The following CAPN8 variants were observed in gnomAD, a reference collection of about 807,000 sequenced individuals.
CAPN8 encodes calpain-8.
A neutral mutation model predicts 80.9 loss-of-function variants in CAPN8; 87 were observed. The ratio of observed to expected loss-of-function variants is 1.07; its 90% CI spans 0.90 to 1.28. The LOEUF (loss-of-function observed/expected upper bound fraction) is 1.28. Among genes scored for constraint, CAPN8 ranks in the 50% most tolerant of loss-of-function variants. CAPN8 has a pLI of 0.00. For missense variants in CAPN8, 757 were observed against 702.0 expected, an observed-to-expected ratio of 1.08 and a Z score of -0.89; for synonymous variants, 299 against 273.8, an observed-to-expected ratio of 1.09 and a Z score of -0.91.
chr1:223,662,285 T>G (rs905979757), intron 1 of CAPN8, among the ~76,000 whole-genome samples: 2 of 151,980 alleles, frequency 1.3e-5, no homozygotes, highest in Admixed American at 1.3e-4. Flanking sequence ...CGATCTCTAC[T>G]AAAAGTACAA....
At chr1:223,614,999 G>A (rs1195487937) in intron 10 of CAPN8, among the ~76,000 whole-genome samples, 2 of 152,184 alleles carry the variant, frequency 1.3e-5, no homozygotes, top group African/African-American at 2.4e-5. Context: ...TCGCATGCTC[G>A]TGCATGTGCA....
intron 10 of CAPN8, 147 bp downstream of exon 10, chr1:223,615,823 C>T (rs889086228): frequency 8.5e-6 from 8 of 943,210 alleles, no homozygotes; most frequent in Non-Finnish European, 9.9e-6. Context: ...CTCAGTAAGG[C>T]CACTGGGAGA....
chr1:223,637,461 CA>C (rs903243931), intron 2 of CAPN8, among the ~76,000 whole-genome samples: 39 of 152,302 alleles, frequency 2.6e-4, no homozygotes, highest in African/African-American at 9.1e-4. Context: ...CATCCAGCAG[CA>C]GCACCTGGGC....
At chr1:223,615,929 C>T (rs1392596291) in intron 10 of CAPN8, 41 bp downstream of exon 10, 1 of 1,550,446 alleles carries the variant, frequency 6.4e-7, no homozygotes, top group Non-Finnish European at 8.7e-7. Context: ...AGCCCCAAAA[C>T]ATCAAGTGTA....
intron 14 of CAPN8, among the ~76,000 whole-genome samples, chr1:223,553,324 G>C (rs921853791): frequency 1.3e-5 from 2 of 152,188 alleles, no homozygotes; most frequent in Admixed American, 1.3e-4. Context: ...ATTCATGTCG[G>C]GCAAAGCTTG....
At chr1:223,628,524 G>A in intron 3 of CAPN8, 138 bp downstream of exon 3, 2 of 658,414 alleles carry the variant, frequency 3.0e-6, no homozygotes, top group East Asian at 2.7e-5. Context: ...AGACTGAAGT[G>A]TGCATCAGAG....
intron 9 of CAPN8, among the ~76,000 whole-genome samples, chr1:223,618,724 A>G (rs1657281546): frequency 1.3e-5 from 2 of 152,214 alleles, no homozygotes; most frequent in African/African-American, 4.8e-5. Context: ...CTTTGCGGGC[A>G]GGGCAGGTGG....
chr1:223,619,573 A>G (rs1657318356), intron 8 of CAPN8, 120 bp from the exon 9 acceptor site: 2 of 985,842 alleles, frequency 2.0e-6, no homozygotes, highest in African/African-American at 1.6e-5. Flanking sequence ...GGCTAGCTTG[A>G]TCTTTCCTAC....
intron 15 of CAPN8, chr1:223,549,610 G>T: frequency 1.4e-6 from 1 of 692,784 alleles, no homozygotes; most frequent in Non-Finnish European, 2.6e-6. Context: ...TACAGCATCT[G>T]AACCTTGGCT....
chr1:223,550,875 G>T (rs1656767303), intron 15 of CAPN8, 85 bp downstream of exon 15: 1 of 680,244 alleles, frequency 1.5e-6, no homozygotes. Context: ...CTGTGGTGCT[G>T]CCAGCCCAAT....
intron 7 of CAPN8, 118 bp downstream of exon 7, chr1:223,622,697 T>C (rs1026330281): frequency 2.5e-6 from 2 of 788,150 alleles, no homozygotes; most frequent in Admixed American, 2.1e-5. Context: ...CACTGTGTGA[T>C]CTGCAGACAG....
intron 2 of CAPN8, among the ~76,000 whole-genome samples, chr1:223,650,368 G>T (rs755211702): frequency 1.1e-4 from 17 of 152,146 alleles, no homozygotes; most frequent in South Asian, 2.1e-4. Context: ...GTCACAAGAG[G>T]CTCCCAGCAG....
intron 2 of CAPN8, among the ~76,000 whole-genome samples, chr1:223,635,516 C>T (rs1412703946): frequency 6.6e-6 from 1 of 152,238 alleles, no homozygotes; most frequent in South Asian, 2.1e-4. Context: ...AGACAGTGGG[C>T]CTGGTGGTTC....
intron 2 of CAPN8, among the ~76,000 whole-genome samples, chr1:223,649,368 C>T (rs1401773907): frequency 6.6e-6 from 1 of 152,232 alleles, no homozygotes; most frequent in Non-Finnish European, 1.5e-5. Flanking sequence ...AACAGGCTTA[C>T]TCTGAGAGTC....
intron 2 of CAPN8, among the ~76,000 whole-genome samples, chr1:223,640,610 A>T (rs1236795962): frequency 6.6e-6 from 1 of 152,154 alleles, no homozygotes; most frequent in African/African-American, 2.4e-5. Context: ...ATTGCTTCCC[A>T]AGTGCTTTTG....
At chr1:223,550,856 T>C (rs1035979567) in intron 15 of CAPN8, 104 bp downstream of exon 15, 1 of 644,546 alleles carries the variant, frequency 1.6e-6, no homozygotes, top group Non-Finnish European at 2.8e-6. Context: ...CCAATGCCCT[T>C]TCTCCCACCT....
rs1268055164 is a variant in CAPN8 at position 223,617,803 on chromosome 1, G to A, written c.1135+1490C>T. ...AGTGACCCAGTAAGGTTGGAAGGTT[G>A]AACCCCATCTGGAGGACTAGGAAAC... On this transcript the variant is annotated intron_variant, in intron 9 of 20. Coordinates refer to ENST00000366872, the MANE Select transcript of CAPN8 (RefSeq NM_001143962.2). 4.8e-5 allele frequency: 8 copies of A among 168,282 alleles called. No homozygotes were observed. In the East Asian group the frequency reaches 6.3e-4, roughly 13 times the overall value. 10.4% of individuals were successfully genotyped at this position (168,282 alleles called of 1,614,324 possible). A position where few individuals can be genotyped will look rare whatever the true frequency, so the allele number is the denominator to read the frequency against.
Position 223,544,133 on chromosome 1 carries a change from A to C in CAPN8, c.1963T>G (p.Cys655Gly). ...TCAAAGTTGATGCCAAGCTTGCTGC[A>C]CGCATACCGCAGGGCAATGGTCTGC... Reference protein sequence around the residue: ...VQQTIALRYACSKLGINFDSF... With the variant: ...VQQTIALRYAGSKLGINFDSF... The change falls in exon 19 of 21, where the codon TGC (cysteine) becomes GGC (glycine). Residue 655 changes from cysteine (C) to glycine (G), a missense_variant. Transcript: ENST00000366872. 1 of 718,384 alleles carries C rather than the reference A, an allele frequency of 1.4e-6. No homozygotes were observed. The highest frequency in any genetic ancestry group is 2.6e-6 in the Non-Finnish European group (1 of 385,110). 44.5% of individuals were successfully genotyped at this position (718,384 alleles called of 1,614,324 possible).
chr1:223,548,027 C>T (rs1572220962), intron 16 of CAPN8, among the ~76,000 whole-genome samples: 1 of 152,186 alleles, frequency 6.6e-6, no homozygotes, highest in African/African-American at 2.4e-5. Flanking sequence ...ACCAGCCCTC[C>T]ATGGTGGATC....
Sources: allele counts gnomAD v4.1 joint callset (sites outside exome capture counted in the v4.1 genomes callset), GRCh38; gene constraint gnomAD v4.1.1; transcripts MANE v1.5; gene names NCBI Gene and HGNC (gene_info 2026-07-23, HGNC 2026-07-21).